The following SEC24C variants were observed in gnomAD, a reference collection of about 807,000 sequenced individuals.
SEC24C encodes SEC24 homolog C, COPII component.
A neutral mutation model predicts 117.0 loss-of-function variants in SEC24C; 22 were observed. The observed-to-expected ratio is 0.19, with a 90% CI of 0.13 to 0.27. The LOEUF (loss-of-function observed/expected upper bound fraction) is 0.27. Ranked by LOEUF, SEC24C falls within the 10% of genes least tolerant of loss-of-function variation. The pLI, the probability that SEC24C is intolerant of heterozygous loss-of-function variation, is 1.00. For missense variants in SEC24C, 1,155 were observed against 1,375.1 expected (o/e 0.84, Z 2.53); for synonymous variants, 506 against 529.4 (o/e 0.96, Z 0.61).
chr10:73,755,443 C>T (rs755077829), intron 3 of SEC24C, among the ~76,000 whole-genome samples: 1 of 151,722 alleles, frequency 6.6e-6, no homozygotes, highest in Admixed American at 6.6e-5. Context: ...TTTGGGAGGC[C>T]GAGGCGGGTG....
intron 3 of SEC24C, among the ~76,000 whole-genome samples, chr10:73,755,460 A>C (rs1008516292): frequency 6.6e-6 from 1 of 151,900 alleles, no homozygotes; most frequent in Admixed American, 6.6e-5. Context: ...GGTGGATTAC[A>C]AGGTCAGGAG....
chr10:73,762,230 G>C, intron 6 of SEC24C: 1 of 1,119,492 alleles, frequency 8.9e-7, no homozygotes, highest in South Asian at 1.3e-5. Flanking sequence ...ATGCATGCCT[G>C]TGACCTCATC....
rs1802636964 is a variant in SEC24C at position 73,765,460 on chromosome 10, T to C, written c.1237T>C (p.Tyr413His). 1 of 1,612,020 alleles carries C rather than the reference T, an allele frequency of 6.2e-7. No individual in the cohort carries two copies. ...CCCCTTTGCGCCTTAGGCTTCACCG[T>C]ATGTTGTGGACCATGGGGAATCTGG... ...ARLPPEEASP[Y>H]VVDHGESGPL... The change falls in exon 9 of 23, where the codon TAT becomes CAT. Residue 413 changes from tyrosine to histidine, a missense_variant. By Grantham distance (83) the Tyr-to-His change is moderately conservative (BLOSUM62 2). Transcript: ENST00000345254.
chr10:73,751,422 G>A (rs183480257), intron 3 of SEC24C, among the ~76,000 whole-genome samples, 179 bp downstream of exon 3: 10 of 152,306 alleles, frequency 6.6e-5, no homozygotes, highest in Non-Finnish European at 7.4e-5. Context: ...TTAGCCAGGT[G>A]TGGTGGTGTG....
At chr10:73,746,516 C>G (rs1245948366) in intron 1 of SEC24C, 1 of 224,142 alleles carries the variant, frequency 4.5e-6, no homozygotes, top group African/African-American at 2.3e-5. Flanking sequence ...AATCATACCA[C>G]TGGGGAATGG....
In SEC24C at chr10:73,759,814, G is replaced by C; in HGVS notation, c.481+20G>C. 2 of 1,546,704 alleles carry C rather than the reference G, an allele frequency of 1.3e-6. No individual in the cohort carries two copies. The highest frequency in any genetic ancestry group is 1.7e-6 in the Non-Finnish European group (2 of 1,150,366). ...GCTTTGGTGAGTGGCTGTGAACACA[G>C]GAATGTTACTGTCCCCTGTTCAGAG... On this transcript the variant is annotated intron_variant, in intron 4 of 22. Transcript: ENST00000345254.
chr10:73,761,309 A>C (rs1310243688), intron 6 of SEC24C, among the ~76,000 whole-genome samples: 1 of 152,158 alleles, frequency 6.6e-6, no homozygotes, highest in East Asian at 1.9e-4. Context: ...TTTAGGAGGA[A>C]GTCCCCAGTA....
chr10:73,753,715 T>C (rs2132532495), intron 3 of SEC24C, among the ~76,000 whole-genome samples: 1 of 152,314 alleles, frequency 6.6e-6, no homozygotes, highest in East Asian at 1.9e-4. Flanking sequence ...GTACCACAAT[T>C]TAGTTTTACC....
At position 73,767,048 on chromosome 10, in the gene SEC24C, TCCTAGGCTGC is replaced by T. The variant is rs1330801980; in HGVS notation, c.1894-5_1898del. The T allele has an allele frequency of 6.2e-7, 1 of 1,607,554 alleles. No homozygotes were observed. Among genetic ancestry groups the T allele is most frequent in the Admixed American group, 1.7e-5 (1 of 59,452 alleles). ...AATAAACAAGTAGTCCTCTCTTTTT[TCCTAGGCTGC>T]TGAGTGTGCAGGGAAGCTCTTTCTA... On this transcript the variant is annotated splice_acceptor_variant and splice_polypyrimidine_tract_variant and coding_sequence_variant and intron_variant, in exon 14 of 23. Coordinates refer to ENST00000345254, the MANE Select transcript of SEC24C (RefSeq NM_198597.3). LOFTEE classifies it high-confidence loss of function.
Position 73,766,876 on chromosome 10 carries a change from C to G in SEC24C, c.1893+23C>G, listed in dbSNP as rs530237569. 2.0e-5 allele frequency: 32 copies of G among 1,593,160 alleles called. 1 individual carries two copies. The South Asian group carries it at 3.2e-4, about 16-fold the overall frequency. ...AAGGTAAGGCTGGAGTATCGGGCAA[C>G]CTCCTCTAACTCCATTTTCCTCTGA... On this transcript the variant is annotated intron_variant, in intron 13 of 22. Transcript: ENST00000345254.
chr10:73,746,573 A>G (rs2082556500), intron 1 of SEC24C: 1 of 326,842 alleles, frequency 3.1e-6, no homozygotes, highest in East Asian at 5.3e-5. Context: ...TGAAATTTAT[A>G]CTATTTAGAC....
chr10:73,763,020 G>A (rs920164695), intron 6 of SEC24C, among the ~76,000 whole-genome samples: 10 of 152,162 alleles, frequency 6.6e-5, no homozygotes, highest in Non-Finnish European at 1.2e-4. Context: ...TTCATTGAGT[G>A]TAGAGTCATT....
intron 1 of SEC24C, among the ~76,000 whole-genome samples, chr10:73,744,871 C>T (rs1178793956): frequency 6.6e-6 from 1 of 152,168 alleles, no homozygotes; most frequent in Non-Finnish European, 1.5e-5. Context: ...TTCAGTCTGA[C>T]TCCAAGCTCT....
Position 73,760,150 on chromosome 10 carries a change from C to T in SEC24C, c.614C>T (p.Ser205Phe), listed in dbSNP as rs755761928. The T allele has an allele frequency of 5.6e-6, 9 of 1,614,182 alleles. No individual in the cohort carries two copies. The South Asian group carries it at 9.9e-5, about 18-fold the overall frequency. ...GHPGIQTPQRSAPSQASSFTP... is the reference protein window; with the variant it reads ...GHPGIQTPQRFAPSQASSFTP... ...CCTGGGATCCAGACTCCCCAGCGAT[C>T]TGCCCCATCACAGGCCTCCAGCTTC... is the stretch of plus-strand genomic sequence containing the variant. Residue 205 changes from serine (S) to phenylalanine (F), a missense_variant, in exon 5 of 23, where the codon TCT becomes TTT. By Grantham distance (155) the Ser-to-Phe change is radical (BLOSUM62 -2). This residue lies in a region of SEC24C where 396 missense variants were observed against 382.8 expected (regional missense o/e 1.03). Transcript: ENST00000345254.
Position 73,768,840 on chromosome 10 carries a change from G to A in SEC24C, c.2212G>A (p.Asp738Asn). The A allele has an allele frequency of 6.2e-7, 1 of 1,613,876 alleles. No individual in the cohort carries two copies. The highest frequency in any genetic ancestry group is 8.5e-7 in the Non-Finnish European group (1 of 1,180,046). ...VENDQERFLS[D>N]LRRDVQKVVG... ...GAACGACCAGGAGCGGTTCCTGAGT[G>A]ACCTGCGTCGTGATGTCCAGAAGGT... Residue 738 changes from aspartate (D) to asparagine (N), a missense_variant, in exon 16 of 23, where the codon GAC (aspartate) becomes AAC (asparagine). By Grantham distance (23) the Asp-to-Asn change is conservative. Transcript: ENST00000345254.
In SEC24C at chr10:73,770,398, G is replaced by A. The variant is rs1251604529; in HGVS notation, c.2981G>A (p.Gly994Glu). ...GGGCTCAACCTCTTCCTCTGGGTGG[G>A]AGCAAGCGTCCAACAGGGTGTTGTC... ...ENGLNLFLWV[G>E]ASVQQGVVQS... Residue 994 changes from glycine (G) to glutamate (E), a missense_variant, in exon 21 of 23, where the codon GGA becomes GAA. Gly to Glu is a moderately conservative substitution (Grantham distance 98). Transcript: ENST00000345254. 6.2e-7 allele frequency: 1 copy of A among 1,613,722 alleles called. No homozygotes were observed. Among genetic ancestry groups the A allele is most frequent in the Admixed American group, 1.7e-5 (1 of 59,986 alleles).
At position 73,771,124 on chromosome 10, in the gene SEC24C, G is replaced by A. The variant is rs1406416133; in HGVS notation, c.*29G>A. On this transcript the variant is annotated 3_prime_UTR_variant, in exon 23 of 23. Transcript: ENST00000345254. Reference sequence around the variant, plus strand: ...AAGTGGGTAAATGGCATAGGGCCCAGGCTAGCTTCCAGAAAGCACCCCAGG... The same window carrying A: ...AAGTGGGTAAATGGCATAGGGCCCAAGCTAGCTTCCAGAAAGCACCCCAGG... The A allele has an allele frequency of 1.9e-6, 3 of 1,604,572 alleles. No individual in the cohort carries two copies. The highest frequency in any genetic ancestry group is 2.6e-6 in the Non-Finnish European group (3 of 1,175,824).
chr10:73,763,364 G>T, intron 6 of SEC24C, 126 bp from the exon 7 acceptor site: 3 of 592,672 alleles, frequency 5.1e-6, no homozygotes, highest in Non-Finnish European at 3.1e-6. Context: ...CAGGCCTGGT[G>T]TATGAGGTGT....
At chr10:73,745,030 A>G (rs2082525296) in intron 1 of SEC24C, among the ~76,000 whole-genome samples, 1 of 152,168 alleles carries the variant, frequency 6.6e-6, no homozygotes, top group Non-Finnish European at 1.5e-5. Context: ...AAGAACAGCT[A>G]TTGAGATAAC....
Sources: allele counts gnomAD v4.1 joint callset (sites outside exome capture counted in the v4.1 genomes callset), GRCh38; gene constraint gnomAD v4.1.1; regional missense constraint gnomAD v4.1.1; transcripts MANE v1.5; gene names NCBI Gene and HGNC (gene_info 2026-07-23, HGNC 2026-07-21).